PDCD5: variants seen among roughly 807,000 people sequenced by gnomAD.
PDCD5 encodes programmed cell death protein 5.
A neutral mutation model predicts 21.9 loss-of-function variants in PDCD5; 23 were observed. That is an observed-to-expected ratio of 1.05 (90% CI 0.76 to 1.49). The LOEUF (loss-of-function observed/expected upper bound fraction) is 1.49, where lower values mean the gene tolerates loss of function less well. Ranked by LOEUF, PDCD5 falls within the 40% of genes most tolerant of loss-of-function variation. PDCD5 has a pLI of 0.00. For missense variants in PDCD5, 152 were observed against 147.7 expected (o/e 1.03, Z -0.15); for synonymous variants, 45 against 49.4 (o/e 0.91, Z 0.37).
At chr19:32,586,969 ATACTT>A in intron 5 of PDCD5, 40 bp downstream of exon 5, 4 of 1,465,178 alleles carry the variant, frequency 2.7e-6, no homozygotes, top group Non-Finnish European at 3.8e-6. Flanking sequence ...GAAAAGATGG[ATACTT>A]TAAAGATTAA....
Position 32,581,344 on chromosome 19 carries a change from C to T in PDCD5, c.66+17C>T. On this transcript the variant is annotated intron_variant, in intron 1 of 5. Transcript: ENST00000590247. ...AAACACGGGGTGAGCGCATCAGCCC[C>T]CGCCAGGCTTGGCCCTCGCGGGGCG... is the stretch of plus-strand genomic sequence containing the variant. 9 of 1,476,474 alleles carry T rather than the reference C, an allele frequency of 6.1e-6. No individual in the cohort carries two copies. Among genetic ancestry groups the T allele is most frequent in the Non-Finnish European group, 8.1e-6 (9 of 1,111,930 alleles). 91.5% of individuals were successfully genotyped at this position (1,476,474 alleles called of 1,614,324 possible).
At chr19:32,583,978 C>T (rs947014062) in intron 2 of PDCD5, among the ~76,000 whole-genome samples, 6 of 152,020 alleles carry the variant, frequency 3.9e-5, no homozygotes, top group African/African-American at 1.4e-4. Flanking sequence ...ATTACAGGCA[C>T]CCGCCACCAT....
chr19:32,582,239 G>A lies in PDCD5; in HGVS notation c.104+7G>A. The A allele has an allele frequency of 6.2e-7, 1 of 1,611,032 alleles. No individual in the cohort carries two copies. Among genetic ancestry groups the A allele is most frequent in the Non-Finnish European group, 8.5e-7 (1 of 1,177,408 alleles). ...AACAGGAAGCAAAGCACAGGTATGG[G>A]CTGGAAACGTGAACTTTTTGAAGGG... On this transcript the variant is annotated splice_region_variant and intron_variant, in intron 2 of 5. Coordinates refer to ENST00000590247, the MANE Select transcript of PDCD5 (RefSeq NM_004708.4).
chr19:32,584,872 A>C, intron 2 of PDCD5, 78 bp from the exon 3 acceptor site: 1 of 1,119,766 alleles, frequency 8.9e-7, no homozygotes, highest in South Asian at 1.2e-5. Context: ...CACATACTGG[A>C]TGGGTTCTTT....
chr19:32,582,488 A>G (rs769010176), intron 2 of PDCD5, among the ~76,000 whole-genome samples: 1 of 152,196 alleles, frequency 6.6e-6, no homozygotes, highest in Non-Finnish European at 1.5e-5. Flanking sequence ...GCCTGATAAT[A>G]GGCAGCTGTG....
In PDCD5 at chr19:32,581,205, G is replaced by T; in HGVS notation, c.-57G>T. On this transcript the variant is annotated 5_prime_UTR_variant, in exon 1 of 6. Transcript: ENST00000590247. ...GCGCCTGCGCAGTGGTCAAGGCCGC[G>T]CTCGCGCCGAGGGGCTGCGAGAGTG... 1 of 1,319,180 alleles carries T rather than the reference G, an allele frequency of 7.6e-7. No individual in the cohort carries two copies. Among genetic ancestry groups the T allele is most frequent in the South Asian group, 1.5e-5 (1 of 68,026 alleles). The allele number at this position is 1,319,180 out of a possible 1,614,324, so 81.7% of individuals were successfully genotyped here.
rs781379875 is a variant in PDCD5 at position 32,582,191 on chromosome 19, C to A, written c.67-4C>A. 7.5e-6 allele frequency: 12 copies of A among 1,599,638 alleles called. No individual in the cohort carries two copies. The Admixed American group carries it at 2.1e-4, about 27-fold the overall frequency. ...TCTATTAAATTTAAGTTTTTTTTTT[C>A]CAGGATCCTGGTGATGCGGCCCAAC... On this transcript the variant is annotated splice_polypyrimidine_tract_variant and splice_region_variant and intron_variant, in intron 1 of 5. Transcript: ENST00000590247.
chr19:32,581,425 CCCGGG>C, intron 1 of PDCD5, 98 bp downstream of exon 1: 1 of 720,108 alleles, frequency 1.4e-6, no homozygotes, highest in Non-Finnish European at 2.0e-6. Flanking sequence ...TGGGCGCCTC[CCCGGG>C]GCCCCGGTCC....
chr19:32,586,907 CAGAAA>C lies in PDCD5; in HGVS notation c.312_316del (p.Glu104AspfsTer15). On this transcript the variant is annotated frameshift_variant, in exon 5 of 6. Transcript: ENST00000590247. LOFTEE classifies it high-confidence loss of function. ...ATCCTTAAAAAAGTAAGCCAACAAA[CAGAAA>C]AGACAACAACAGTGAAAGTAAGTGT... The C allele has an allele frequency of 6.2e-7, 1 of 1,611,968 alleles. No individual in the cohort carries two copies. Among genetic ancestry groups the C allele is most frequent in the Non-Finnish European group, 8.5e-7 (1 of 1,178,956 alleles).
chr19:32,586,291 G>C (rs1971475730), intron 4 of PDCD5: 2 of 1,386,726 alleles, frequency 1.4e-6, no homozygotes, highest in African/African-American at 2.9e-5. Context: ...CTGTGTTGCT[G>C]TAATACCATG....
intron 3 of PDCD5, 119 bp downstream of exon 3, chr19:32,585,130 G>A: frequency 1.3e-6 from 1 of 765,386 alleles, no homozygotes; most frequent in South Asian, 1.5e-5. Flanking sequence ...CACTTGAGAT[G>A]TGTAAGAAGT....
intron 1 of PDCD5, 86 bp from the exon 2 acceptor site, chr19:32,582,109 T>C: frequency 1.1e-6 from 1 of 895,074 alleles, no homozygotes; most frequent in Non-Finnish European, 1.8e-6. Flanking sequence ...CAAGAGACTG[T>C]TATGTATAGG....
At chr19:32,586,386 A>G (rs1971476638) in intron 4 of PDCD5, 6 of 1,199,416 alleles carry the variant, frequency 5.0e-6, no homozygotes, top group African/African-American at 4.7e-5. Flanking sequence ...ACCACAGCCT[A>G]CCCGAATTGG....
intron 2 of PDCD5, 139 bp from the exon 3 acceptor site, chr19:32,584,811 G>A: frequency 1.4e-6 from 1 of 714,346 alleles, no homozygotes; most frequent in Non-Finnish European, 2.6e-6. Flanking sequence ...GCAGCCTTAT[G>A]TACAGCAACT....
chr19:32,582,258 T>G (rs749637534), intron 2 of PDCD5, 26 bp downstream of exon 2: 13 of 1,593,136 alleles, frequency 8.2e-6, no homozygotes, highest in East Asian at 6.7e-5. Flanking sequence ...GTGAACTTTT[T>G]GAAGGGTGGT....
chr19:32,586,024 T>G (rs745878265), intron 4 of PDCD5, 117 bp downstream of exon 4: 51 of 1,599,958 alleles, frequency 3.2e-5, no homozygotes, highest in Non-Finnish European at 4.1e-5. Context: ...TCAGAAGAAA[T>G]TGTTGGAGAG....
intron 2 of PDCD5, among the ~76,000 whole-genome samples, chr19:32,582,977 C>T (rs1219793464): frequency 1.3e-5 from 2 of 152,138 alleles, no homozygotes; most frequent in Non-Finnish European, 2.9e-5. Context: ...GGAAGTAAAA[C>T]GACGCAAATT....
intron 1 of PDCD5, 46 bp downstream of exon 1, chr19:32,581,373 C>T: frequency 7.3e-7 from 1 of 1,378,456 alleles, no homozygotes; most frequent in Non-Finnish European, 9.6e-7. Context: ...CGGGGCGCCG[C>T]CCTCGCCCGG....
chr19:32,584,882 T>C, intron 2 of PDCD5, 68 bp from the exon 3 acceptor site: 1 of 1,292,126 alleles, frequency 7.7e-7, no homozygotes. Context: ...ATGGGTTCTT[T>C]CTCGTATGTT....
Sources: allele counts gnomAD v4.1 joint callset (sites outside exome capture counted in the v4.1 genomes callset), GRCh38; gene constraint gnomAD v4.1.1; transcripts MANE v1.5; gene names NCBI Gene and HGNC (gene_info 2026-07-23, HGNC 2026-07-21).